TET2: variants seen among roughly 807,000 people sequenced by gnomAD.
TET2 encodes methylcytosine dioxygenase TET2.
TET2 carries 299 observed loss-of-function variants against 142.9 expected under a neutral mutation model. The observed-to-expected ratio is 2.09, with a 90% CI of 1.90 to 2.30. TET2 has a LOEUF of 2.30. Among genes scored for constraint, TET2 ranks in the 30% most tolerant of loss-of-function variants. The probability of loss-of-function intolerance (pLI) is 0.00; values close to 1 mark genes in which losing one functional copy is unlikely to be tolerated. For missense variants in TET2, 2,418 were observed against 2,378.0 expected (o/e 1.02, Z -0.35); for synonymous variants, 819 against 849.0 (o/e 0.96, Z 0.61).
intron 10 of TET2, among the ~76,000 whole-genome samples, chr4:105,273,951 C>T (rs531949696): frequency 9.2e-5 from 14 of 152,250 alleles, no homozygotes; most frequent in African/African-American, 3.1e-4. Flanking sequence ...ATTGGCCTGG[C>T]CATTAACAAA....
In TET2 at chr4:105,279,293, G is replaced by T. The variant is rs1035494761; in HGVS notation, c.*2774G>T. On this transcript the variant is annotated 3_prime_UTR_variant, in exon 11 of 11. Transcript: ENST00000380013. ...CAAGAACAGGAAGTATAGTTTGGGGGGTTGGGGAGAGTTTACATAAGGAAG... is the reference window on the plus strand; with the variant it reads ...CAAGAACAGGAAGTATAGTTTGGGGTGTTGGGGAGAGTTTACATAAGGAAG... 8.6e-6 allele frequency: 2 copies of T among 231,880 alleles called. No homozygotes were observed. The highest frequency in any genetic ancestry group is 1.7e-5 in the Non-Finnish European group (2 of 117,346). 14.4% of individuals were successfully genotyped at this position (231,880 alleles called of 1,614,324 possible).
intron 2 of TET2, among the ~76,000 whole-genome samples, chr4:105,231,549 T>C (rs1440716845): frequency 6.6e-6 from 1 of 152,152 alleles, no homozygotes; most frequent in Non-Finnish European, 1.5e-5. Flanking sequence ...TCACAAACTG[T>C]AACCATTTTT....
chr4:105,191,039 T>C (rs1399413715), intron 2 of TET2, among the ~76,000 whole-genome samples: 4 of 152,120 alleles, frequency 2.6e-5, no homozygotes, highest in Non-Finnish European at 5.9e-5. Flanking sequence ...AGCAGCTATG[T>C]GATTTTACAT....
Position 105,275,862 on chromosome 4 carries a change from C to T in TET2, c.5352C>T (p.Asn1784=), listed in dbSNP as rs377443461. 450 of 1,551,962 alleles carry T rather than the reference C, an allele frequency of 2.9e-4. 8 individuals carry two copies. In the South Asian group the frequency reaches 5.2e-3, roughly 18 times the overall value. ...CTCTTCATGCCCTGCATCTCCAAAA[C>T]AAGGAGAATGACATGCTTTCCCACA... ...NSSLHALHLQ[N]KENDMLSHTA... is the part of the protein sequence containing the mutation. The change falls in exon 11 of 11, where the codon AAC becomes AAT. Residue 1784 remains asparagine, a synonymous_variant. Transcript: ENST00000380013.
At chr4:105,249,476 GTTAGTAA>G (rs1729756125) in intron 6 of TET2, among the ~76,000 whole-genome samples, 1 of 152,192 alleles carries the variant, frequency 6.6e-6, no homozygotes, top group Non-Finnish European at 1.5e-5. Context: ...GAGTGACATT[GTTAGTAA>G]TATGGTAACT....
rs1731237565 is a variant in TET2 at position 105,276,645 on chromosome 4, C to T, written c.*126C>T. On this transcript the variant is annotated 3_prime_UTR_variant, in exon 11 of 11. Transcript: ENST00000380013. ...TCATGACAAATGTGGTGGGAAAAAC[C>T]TCAGCTCACCAGCAACAAAAGAGGT... 1.8e-6 allele frequency: 2 copies of T among 1,098,650 alleles called. No homozygotes were observed. Among genetic ancestry groups the T allele is most frequent in the Non-Finnish European group, 2.5e-6 (2 of 789,186 alleles). The allele number at this position is 1,098,650 out of a possible 1,614,324, so 68.1% of individuals were successfully genotyped here.
chr4:105,236,977 C>A lies in TET2; in HGVS notation c.3035C>A (p.Pro1012Gln). ...TWKKVTKQEN[P>Q]PASCDNVQQK... ...AAAAAGGTAACTAAGCAAGAGAATCCACCTGCAAGCTGTGATAATGTGCAG... is the reference window on the plus strand; with the variant it reads ...AAAAAGGTAACTAAGCAAGAGAATCAACCTGCAAGCTGTGATAATGTGCAG... Residue 1012 changes from proline (P) to glutamine (Q), a missense_variant, in exon 3 of 11, where the codon CCA becomes CAA. Transcript: ENST00000380013. 1 of 1,614,088 alleles carries A rather than the reference C, an allele frequency of 6.2e-7. No individual in the cohort carries two copies. Among genetic ancestry groups the A allele is most frequent in the Non-Finnish European group, 8.5e-7 (1 of 1,180,006 alleles).
chr4:105,236,940 A>G lies in TET2; in HGVS notation c.2998A>G (p.Asn1000Asp), dbSNP rs768692179. The change falls in exon 3 of 11, where the codon AAC becomes GAC. Residue 1000 changes from asparagine to aspartate, a missense_variant. Coordinates refer to ENST00000380013, the MANE Select transcript of TET2 (RefSeq NM_001127208.3). ...HACMHTAPPENKTWKKVTKQE... is the reference protein window; with the variant it reads ...HACMHTAPPEDKTWKKVTKQE... ...CTGTATGCACACAGCACCACCAGAA[A>G]ACAAAACATGGAAAAAGGTAACTAA... 4 of 1,614,148 alleles carry G rather than the reference A, an allele frequency of 2.5e-6. No homozygotes were observed. In the Admixed American group the frequency reaches 5.0e-5, roughly 20 times the overall value.
Position 105,276,060 on chromosome 4 carries a change from C to A in TET2, c.5550C>A (p.Ser1850Arg). The A allele has an allele frequency of 6.4e-7, 1 of 1,551,670 alleles. No individual in the cohort carries two copies. The highest frequency in any genetic ancestry group is 8.7e-7 in the Non-Finnish European group (1 of 1,146,964). ...AEDNDEVWSD[S>R]EQSFLDPDIG... is the part of the protein sequence containing the mutation. ...ACAACGATGAGGTCTGGTCAGACAG[C>A]GAGCAGAGCTTTCTGGATCCTGACA... is the stretch of plus-strand genomic sequence containing the variant. Residue 1850 changes from serine to arginine, a missense_variant, in exon 11 of 11, where the codon AGC becomes AGA. Ser to Arg is a moderately radical substitution (Grantham distance 110). Coordinates refer to ENST00000380013, the MANE Select transcript of TET2 (RefSeq NM_001127208.3).
intron 2 of TET2, among the ~76,000 whole-genome samples, chr4:105,197,113 T>A (rs1726139501): frequency 6.6e-6 from 1 of 152,202 alleles, no homozygotes; most frequent in Admixed American, 6.5e-5. Context: ...TGTGGAACAT[T>A]TGATACCTAC....
At chr4:105,150,177 T>C (rs749163334) in intron 1 of TET2, among the ~76,000 whole-genome samples, 4 of 152,232 alleles carry the variant, frequency 2.6e-5, no homozygotes, top group Non-Finnish European at 4.4e-5. Flanking sequence ...AGGTAAATTC[T>C]TATGAATTCT....
chr4:105,234,427 AT>A lies in TET2; in HGVS notation c.488del (p.Phe163SerfsTer20). ...SSVAQENAVK[D>X]FTSFSTHNCS... ...GTAGCCCAAGAAAATGCAGTTAAAGATTTCACCAGTTTTTCAACACATAACT... is the reference window on the plus strand; with the variant it reads ...GTAGCCCAAGAAAATGCAGTTAAAGATTCACCAGTTTTTCAACACATAACT... On this transcript the variant is annotated frameshift_variant, in exon 3 of 11. Coordinates refer to ENST00000380013, the MANE Select transcript of TET2 (RefSeq NM_001127208.3). LOFTEE classifies it high-confidence loss of function. The A allele has an allele frequency of 6.2e-7, 1 of 1,613,984 alleles. No homozygotes were observed. Among genetic ancestry groups the A allele is most frequent in the Non-Finnish European group, 8.5e-7 (1 of 1,180,002 alleles).
At chr4:105,185,544 G>A (rs180804914) in intron 1 of TET2, among the ~76,000 whole-genome samples, 2 of 152,264 alleles carry the variant, frequency 1.3e-5, no homozygotes, top group Admixed American at 1.3e-4. Flanking sequence ...ACTTTCGGAG[G>A]CCGAGGTATG....
chr4:105,235,328 T>C lies in TET2; in HGVS notation c.1386T>C (p.Ser462=), dbSNP rs747244398. The C allele has an allele frequency of 4.0e-5, 65 of 1,613,568 alleles. 1 individual carries two copies. The highest frequency in any genetic ancestry group is 1.2e-4 in the Admixed American group (7 of 59,976). Residue 462 remains serine (S), a synonymous_variant, in exon 3 of 11, where the codon AGT becomes AGC. Coordinates refer to ENST00000380013, the MANE Select transcript of TET2 (RefSeq NM_001127208.3). ...AACCTGAGGCACCACCTTCCCAGAG[T>C]CCTAATCCATCTACACATGTATGCA... ...EGKPEAPPSQ[S]PNPSTHVCSP...
intron 3 of TET2, chr4:105,240,677 C>G: frequency 3.7e-6 from 4 of 1,080,376 alleles, no homozygotes; most frequent in Non-Finnish European, 4.5e-6. Context: ...ATCGTCTTCA[C>G]TCTTCTCTTA....
At chr4:105,188,901 G>A (rs1016885363) in intron 1 of TET2, among the ~76,000 whole-genome samples, 2 of 152,060 alleles carry the variant, frequency 1.3e-5, no homozygotes, top group Non-Finnish European at 2.9e-5. Flanking sequence ...TTTGGGGCGA[G>A]GGGGACAGAG....
Position 105,235,156 on chromosome 4 carries a change from T to A in TET2, c.1214T>A (p.Leu405His), listed in dbSNP as rs2110225614. 6.2e-7 allele frequency: 1 copy of A among 1,613,736 alleles called. No individual in the cohort carries two copies. The highest frequency in any genetic ancestry group is 8.5e-7 in the Non-Finnish European group (1 of 1,179,838). Residue 405 changes from leucine (L) to histidine (H), a missense_variant, in exon 3 of 11, where the codon CTT (leucine) becomes CAT (histidine). Physicochemically the swap from Leu to His is moderately conservative, Grantham distance 99. Coordinates refer to ENST00000380013, the MANE Select transcript of TET2 (RefSeq NM_001127208.3). The stretch of plus-strand genomic sequence containing the variant: ...ACACCACCACCACCATCACAATTGC[T>A]TCTTTCTCCCCCTCCTCCTCTTCCA... ...TTTPPPPSQLLLSPPPPLPQV... is the reference protein window; with the variant it reads ...TTTPPPPSQLHLSPPPPLPQV...
chr4:105,189,830 G>A (rs902580733), intron 1 of TET2, among the ~76,000 whole-genome samples: 1 of 152,148 alleles, frequency 6.6e-6, no homozygotes, highest in Non-Finnish European at 1.5e-5. Context: ...ATAGCACTTA[G>A]CATGTTACCT....
intron 1 of TET2, among the ~76,000 whole-genome samples, chr4:105,159,766 G>A (rs1419413554): frequency 6.6e-6 from 1 of 152,052 alleles, no homozygotes; most frequent in Non-Finnish European, 1.5e-5. Flanking sequence ...CTGTAATCCC[G>A]GCATTTTGGG....
Sources: allele counts gnomAD v4.1 joint callset (sites outside exome capture counted in the v4.1 genomes callset), GRCh38; gene constraint gnomAD v4.1.1; transcripts MANE v1.5; gene names NCBI Gene and HGNC (gene_info 2026-07-23, HGNC 2026-07-21).